FSCN2: variants seen among roughly 807,000 people sequenced by gnomAD.
FSCN2 encodes fascin-2.
FSCN2 carries 46 observed loss-of-function variants against 37.8 expected under a neutral mutation model. The observed-to-expected ratio is 1.22, with a 90% CI of 0.96 to 1.56. FSCN2 has a LOEUF of 1.56. Ranked by LOEUF, FSCN2 falls within the 40% of genes most tolerant of loss-of-function variation. The pLI, the probability that FSCN2 is intolerant of heterozygous loss-of-function variation, is 0.00. For missense variants in FSCN2, 844 were observed against 730.4 expected, an observed-to-expected ratio of 1.16 and a Z score of -1.79; for synonymous variants, 351 against 309.4, an observed-to-expected ratio of 1.13 and a Z score of -1.41.
intron 1 of FSCN2, among the ~76,000 whole-genome samples, chr17:81,530,843 C>T (rs1215942011): frequency 2.6e-5 from 4 of 152,228 alleles, no homozygotes; most frequent in African/African-American, 4.8e-5. Context: ...TGTGGATGCA[C>T]GGCCATGGCC....
upstream of FSCN2, among the ~76,000 whole-genome samples, chr17:81,525,937 G>A (rs781903307): frequency 1.3e-5 from 2 of 152,124 alleles, no homozygotes; most frequent in Non-Finnish European, 1.5e-5. Flanking sequence ...TGGCCCAGGC[G>A]CCCACCCTTC....
rs1164303771 is a variant in FSCN2, at chr17:81,535,509, CCCATCTCCA to C, written c.983+311_983+319del. Among the ~76,000 whole-genome samples the C allele has an allele frequency of 5.4e-3, 115 of 21,476 alleles. 9 individuals carry two copies. The highest frequency in any genetic ancestry group is 0.02 in the African/African-American group (87 of 4,292). The allele number at this position is 21,476 out of a possible 152,430, so 14.1% of individuals were successfully genotyped here. A position where few individuals can be genotyped will look rare whatever the true frequency, so the allele number is the denominator to read the frequency against. On this transcript the variant is annotated intron_variant, in intron 2 of 4. Coordinates refer to ENST00000417245, the MANE Select transcript of FSCN2 (RefSeq NM_012418.4). ...CAGCCCCATCCCCATCACCACCATC[CCCATCTCCA>C]CCATCTCCATCACCATCATCACCAT...
chr17:81,520,481 A>C, the FSCN2 span, among the ~76,000 whole-genome samples: 1 of 152,240 alleles, frequency 6.6e-6, no homozygotes, highest in African/African-American at 2.4e-5. Context: ...CATTTCCTCC[A>C]GTCCTTAGGA....
Position 81,536,898 on chromosome 17 carries a change from A to T in FSCN2, c.1297A>T (p.Thr433Ser). ...IRGRDGGFWYTGSHGSVCSDG... is the reference protein window; with the variant it reads ...IRGRDGGFWYSGSHGSVCSDG... ...AGGCCGCGACGGAGGGTTCTGGTAC[A>T]CGGGCAGCCACGGCAGCGTGTGCAG... The change falls in exon 5 of 5, where the codon ACG becomes TCG. Residue 433 changes from threonine (T) to serine (S), a missense_variant. Transcript: ENST00000417245. 6.3e-7 allele frequency: 1 copy of T among 1,576,468 alleles called. No individual in the cohort carries two copies.
At chr17:81,525,431 A>C (rs549120622), upstream of FSCN2, among the ~76,000 whole-genome samples, 58 of 148,994 alleles carry the variant, frequency 3.9e-4, 1 homozygote, top group African/African-American at 1.3e-3. Flanking sequence ...GTCTCAAAAA[A>C]AAAAAAAAAG....
chr17:81,528,494 G>A lies in FSCN2; in HGVS notation c.-38G>A, dbSNP rs868994625. Reference sequence around the variant, plus strand: ...CGGGGGCCGTGAGCACTCAGAGGGCGCATCCCAGGCCCCTCCGGGGACCCG... The same window carrying A: ...CGGGGGCCGTGAGCACTCAGAGGGCACATCCCAGGCCCCTCCGGGGACCCG... On this transcript the variant is annotated 5_prime_UTR_variant, in exon 1 of 5. Transcript: ENST00000417245. The A allele has an allele frequency of 1.0e-5, 15 of 1,475,814 alleles. No homozygotes were observed. The highest frequency in any genetic ancestry group is 9.8e-5 in the African/African-American group (7 of 71,458). 91.4% of individuals were successfully genotyped at this position (1,475,814 alleles called of 1,614,324 possible). A position where few individuals can be genotyped will look rare whatever the true frequency, so the allele number is the denominator to read the frequency against.
Position 81,528,539 on chromosome 17 carries a change from C to G in FSCN2, c.8C>G (p.Thr3Arg). Residue 3 changes from threonine to arginine, a missense_variant, in exon 1 of 5, where the codon ACG (threonine) becomes AGG (arginine). Thr to Arg is a moderately conservative substitution (Grantham distance 71). Transcript: ENST00000417245. ...GACCCGGCCAGCCTGAAGATGCCGACGAACGGCCTGCACCAGGTGCTGAAG... is the reference window on the plus strand; with the variant it reads ...GACCCGGCCAGCCTGAAGATGCCGAGGAACGGCCTGCACCAGGTGCTGAAG... MP[T>R]NGLHQVLKIQ... 6.3e-7 allele frequency: 1 copy of G among 1,593,624 alleles called. No individual in the cohort carries two copies. The highest frequency in any genetic ancestry group is 8.5e-7 in the Non-Finnish European group (1 of 1,169,740).
At position 81,528,788 on chromosome 17, in the gene FSCN2, G is replaced by A. The variant is rs782411818; in HGVS notation, c.257G>A (p.Arg86His). 3.1e-5 allele frequency: 48 copies of A among 1,566,714 alleles called. 1 individual carries two copies. In the Middle Eastern group the frequency reaches 5.1e-4, roughly 17 times the overall value. The change falls in exon 1 of 5, where the codon CGT (arginine) becomes CAT (histidine). Residue 86 changes from arginine (R) to histidine (H), a missense_variant. Coordinates refer to ENST00000417245, the MANE Select transcript of FSCN2 (RefSeq NM_012418.4). Reference protein sequence around the residue: ...RVACEAEQPGRDCRFLVLPQP... With the variant: ...RVACEAEQPGHDCRFLVLPQP... ...GCCTGTGAGGCAGAGCAGCCGGGCC[G>A]TGACTGCCGCTTCCTGGTCCTGCCG...
intron 1 of FSCN2, among the ~76,000 whole-genome samples, chr17:81,532,114 C>T (rs796703956): frequency 0.059 from 606 of 10,292 alleles, no homozygotes; most frequent in Middle Eastern, 0.15. Context: ...ATAGTGATGG[C>T]GATGATGGTG....
At chr17:81,536,429 A>T in intron 3 of FSCN2, 162 bp downstream of exon 3, 1 of 1,460,032 alleles carries the variant, frequency 6.8e-7, no homozygotes, top group Non-Finnish European at 9.1e-7. Context: ...TCGTCTTGGC[A>T]AGGGAAACAG....
chr17:81,527,107 T>G (rs1555670206), upstream of FSCN2: 2 of 152,334 alleles, frequency 1.3e-5, no homozygotes, highest in African/African-American at 4.8e-5. Context: ...GAAGAGCCCC[T>G]GAGTCTGTGC....
At chr17:81,528,018 G>A (rs1452971645), upstream of FSCN2, among the ~76,000 whole-genome samples, 10 of 152,084 alleles carry the variant, frequency 6.6e-5, no homozygotes, top group East Asian at 3.9e-4. Context: ...GGTTGCGGCC[G>A]AGCCGTGAGC....
the FSCN2 span, among the ~76,000 whole-genome samples, chr17:81,519,966 C>T: frequency 6.6e-6 from 1 of 152,026 alleles, no homozygotes; most frequent in Non-Finnish European, 1.5e-5. Flanking sequence ...GAGGCTGGAT[C>T]GAGGCAACCC....
chr17:81,535,051 G>GGGGTCAACGTCTCAGCCAATC lies in FSCN2; in HGVS notation c.827_847dup (p.Asn282_Gln283insArgValAsnValSerAlaAsn). On this transcript the variant is annotated inframe_insertion and splice_region_variant. Coordinates refer to ENST00000417245, the MANE Select transcript of FSCN2 (RefSeq NM_012418.4). ...GGGGCTTCCCCATCTCCTCCCTCCA[G>GGGGTCAACGTCTCAGCCAATC]GGGTCAACGTCTCAGCCAATCAGGA... 1 of 1,526,392 alleles carries GGGGTCAACGTCTCAGCCAATC rather than the reference G, an allele frequency of 6.6e-7. No individual in the cohort carries two copies. Among genetic ancestry groups the GGGGTCAACGTCTCAGCCAATC allele is most frequent in the South Asian group, 1.2e-5 (1 of 82,774 alleles). 94.6% of individuals were successfully genotyped at this position (1,526,392 alleles called of 1,614,324 possible).
At chr17:81,525,145 GC>G (rs1555669928), upstream of FSCN2, among the ~76,000 whole-genome samples, 1 of 151,944 alleles carries the variant, frequency 6.6e-6, no homozygotes, top group Non-Finnish European at 1.5e-5. Flanking sequence ...GAACCAGACG[GC>G]CAGGCACGGT....
Position 81,535,128 on chromosome 17 carries a change from G to C in FSCN2, c.903G>C (p.Lys301Asn). The C allele has an allele frequency of 6.5e-7, 1 of 1,534,136 alleles. No individual in the cohort carries two copies. Among genetic ancestry groups the C allele is most frequent in the Non-Finnish European group, 8.7e-7 (1 of 1,145,428 alleles). ...TFLMQIDQET[K>N]KCTFYSSTGG... The stretch of plus-strand genomic sequence containing the variant: ...TGATGCAAATTGACCAGGAGACAAA[G>C]AAGTGCACCTTCTATTCCAGCACTG... Residue 301 changes from lysine (K) to asparagine (N), a missense_variant, in exon 2 of 5, where the codon AAG becomes AAC. Lys to Asn is a moderately conservative substitution (Grantham distance 94). Coordinates refer to ENST00000417245, the MANE Select transcript of FSCN2 (RefSeq NM_012418.4).
At chr17:81,535,346 C>T in intron 2 of FSCN2, 138 bp downstream of exon 2, 1 of 564,038 alleles carries the variant, frequency 1.8e-6, no homozygotes, top group Admixed American at 3.3e-5. Context: ...CCATGACCAC[C>T]ATCCCCATCT....
In FSCN2 at chr17:81,528,962, T is replaced by C. The variant is rs782739923; in HGVS notation, c.431T>C (p.Leu144Pro). ...GCCATCCACCCGCAGGCCCACCTGC[T>C]GAGCGTGAGCCGGCGGCGCTACGTG... ...HLAIHPQAHL[L>P]SVSRRRYVHL... Residue 144 changes from leucine (L) to proline (P), a missense_variant, in exon 1 of 5, where the codon CTG (leucine) becomes CCG (proline). Physicochemically the swap from Leu to Pro is moderately conservative, Grantham distance 98. Coordinates refer to ENST00000417245, the MANE Select transcript of FSCN2 (RefSeq NM_012418.4). 13 of 1,589,432 alleles carry C rather than the reference T, an allele frequency of 8.2e-6. No individual in the cohort carries two copies. The highest frequency in any genetic ancestry group is 1.1e-5 in the Non-Finnish European group (13 of 1,172,242).
chr17:81,534,824 G>A (rs1330949447), intron 1 of FSCN2, among the ~76,000 whole-genome samples: 2 of 151,568 alleles, frequency 1.3e-5, no homozygotes, highest in Non-Finnish European at 2.9e-5. Context: ...GGGGTGTGGA[G>A]GGAGGTCAGG....
Sources: gnomAD v4.1 joint callset for allele counts (sites outside exome capture counted in the v4.1 genomes callset) on GRCh38, gnomAD v4.1.1 for gene constraint, MANE v1.5 for transcripts, NCBI Gene and HGNC (gene_info 2026-07-23, HGNC 2026-07-21) for gene names.